Variants in ZSCAN25 observed in about 807,000 individuals in gnomAD.
ZSCAN25 encodes the protein zinc finger and SCAN domain-containing protein 25.
A neutral mutation model predicts 38.7 loss-of-function variants in ZSCAN25; 27 were observed. The observed-to-expected ratio is 0.70, with a 90% CI of 0.51 to 0.96. The LOEUF (loss-of-function observed/expected upper bound fraction) is 0.96. Ranked by LOEUF, ZSCAN25 falls within the 40% of genes least tolerant of loss-of-function variation. The pLI is 0.00. For synonymous variants in ZSCAN25, 273 were observed against 277.7 expected (o/e 0.98, Z 0.17); for missense variants, 637 against 705.9 (o/e 0.90, Z 1.11).
At chr7:99,617,541 G>C (rs920455295) in intron 1 of ZSCAN25, among the ~76,000 whole-genome samples, 1 of 151,582 alleles carries the variant, frequency 6.6e-6, no homozygotes, top group Admixed American at 6.6e-5. Context: ...CATTCATGCC[G>C]CTGCACTCCA....
At chr7:99,711,779 CAA>C in the ZSCAN25 span, among the ~76,000 whole-genome samples, 1 of 64,170 alleles carries the variant, frequency 1.6e-5, no homozygotes, top group Non-Finnish European at 6.7e-5. Context: ...CAAAACAAAA[CAA>C]AACAACAACA....
At chr7:99,663,635 C>T in the ZSCAN25 span, 2 of 1,009,110 alleles carry the variant, frequency 2.0e-6, no homozygotes, top group Non-Finnish European at 2.4e-6. Context: ...ATGAGGAAAG[C>T]ACAATACCAG....
chr7:99,694,117 TC>T, the ZSCAN25 span, among the ~76,000 whole-genome samples: 2 of 152,250 alleles, frequency 1.3e-5, no homozygotes, highest in Non-Finnish European at 2.9e-5. Context: ...TTTTGCTTTT[TC>T]ATGTATTGTC....
the ZSCAN25 span, among the ~76,000 whole-genome samples, chr7:99,711,975 G>T: frequency 6.6e-5 from 10 of 152,272 alleles, no homozygotes; most frequent in Non-Finnish European, 1.0e-4. Flanking sequence ...ATCTCAGGAT[G>T]TACAGCAACT....
At chr7:99,722,665 C>T in the ZSCAN25 span, among the ~76,000 whole-genome samples, 1 of 152,122 alleles carries the variant, frequency 6.6e-6, no homozygotes, top group African/African-American at 2.4e-5. Context: ...TCTCATAAAT[C>T]CTTGAATGAT....
the ZSCAN25 span, among the ~76,000 whole-genome samples, chr7:99,648,597 C>T: frequency 2.6e-5 from 4 of 151,706 alleles, no homozygotes; most frequent in Non-Finnish European, 4.4e-5. Context: ...CACCATCCAT[C>T]GTTTAACAAA....
chr7:99,686,432 C>A, the ZSCAN25 span, among the ~76,000 whole-genome samples: 6 of 152,306 alleles, frequency 3.9e-5, no homozygotes, highest in Admixed American at 3.3e-4. Flanking sequence ...TGAGATCAAA[C>A]TGCAAGGCGG....
At chr7:99,649,153 G>T in the ZSCAN25 span, among the ~76,000 whole-genome samples, 1 of 152,124 alleles carries the variant, frequency 6.6e-6, no homozygotes, top group African/African-American at 2.4e-5. Context: ...GCTTGCCAGG[G>T]AATATCTTCC....
chr7:99,676,536 G>A, the ZSCAN25 span: 1 of 1,364,620 alleles, frequency 7.3e-7, no homozygotes, highest in Non-Finnish European at 9.7e-7. Flanking sequence ...CCTTATGTCT[G>A]TTTAGTAAGT....
the ZSCAN25 span, chr7:99,650,217 C>T: frequency 6.2e-7 from 1 of 1,613,454 alleles, no homozygotes; most frequent in East Asian, 2.2e-5. Context: ...CTATGCTGTC[C>T]TTCTTCTTAC....
chr7:99,653,644 G>A, the ZSCAN25 span, among the ~76,000 whole-genome samples: 5 of 152,188 alleles, frequency 3.3e-5, no homozygotes, highest in East Asian at 9.6e-4. The surrounding 1 kb of genome is among the most constrained non-coding windows in gnomAD (Gnocchi z 4.2). Flanking sequence ...TTTCCTAGTT[G>A]TTGCTTCAGG....
At position 99,630,635 on chromosome 7, in the gene ZSCAN25, C is replaced by T. The variant is rs542478685; in HGVS notation, c.*615C>T. On this transcript the variant is annotated 3_prime_UTR_variant, in exon 8 of 8. Coordinates refer to ENST00000394152, the MANE Select transcript of ZSCAN25 (RefSeq NM_145115.3). ...CATGACCACTCCTGCCCTCCTGCCC[C>T]GTGCTGGATCTTCCCTCCCCAGCTG... is the stretch of plus-strand genomic sequence containing the variant. 2.7e-3 allele frequency: 2,685 copies of T among 985,684 alleles called. 4 individuals carry two copies. The highest frequency in any genetic ancestry group is 3.1e-3 in the Non-Finnish European group (2,549 of 830,132). The allele number at this position is 985,684 out of a possible 1,614,324, so 61.1% of individuals were successfully genotyped here. A position where few individuals can be genotyped will look rare whatever the true frequency, so the allele number is the denominator to read the frequency against.
the ZSCAN25 span, chr7:99,685,293 T>C: frequency 1.2e-6 from 2 of 1,605,216 alleles, no homozygotes; most frequent in Non-Finnish European, 1.7e-6. Context: ...TTAGAAACTG[T>C]AGCATCAAAG....
the ZSCAN25 span, chr7:99,715,267 G>GC: frequency 1.1e-5 from 2 of 180,302 alleles, no homozygotes; most frequent in Non-Finnish European, 2.4e-5. Context: ...GCAAACAAGT[G>GC]CCCAGAGGGA....
chr7:99,667,105 G>A, the ZSCAN25 span: 1 of 1,568,306 alleles, frequency 6.4e-7, no homozygotes, highest in Non-Finnish European at 8.8e-7. Flanking sequence ...CATTAGTTGT[G>A]GTGATCTTCA....
At chr7:99,651,762 T>G in the ZSCAN25 span, among the ~76,000 whole-genome samples, 1 of 152,368 alleles carries the variant, frequency 6.6e-6, no homozygotes, top group South Asian at 2.1e-4. Context: ...GAGTGCGAAC[T>G]GTGCCTAAGG....
chr7:99,715,847 T>C, the ZSCAN25 span: 2 of 1,613,776 alleles, frequency 1.2e-6, no homozygotes, highest in Admixed American at 1.7e-5. Context: ...GTTGAGAGAG[T>C]CGATGCTCAC....
At chr7:99,623,262 A>C (rs748313093) in intron 6 of ZSCAN25, among the ~76,000 whole-genome samples, 1 of 152,204 alleles carries the variant, frequency 6.6e-6, no homozygotes, top group Non-Finnish European at 1.5e-5. Flanking sequence ...TAACCTCAGC[A>C]GGAATGTGGC....
chr7:99,678,688 G>A, the ZSCAN25 span, among the ~76,000 whole-genome samples: 2 of 152,194 alleles, frequency 1.3e-5, no homozygotes, highest in Non-Finnish European at 2.9e-5. Context: ...AAAAATGAAT[G>A]AATTTAAACC....
Sources: allele counts gnomAD v4.1 joint callset (sites outside exome capture counted in the v4.1 genomes callset), GRCh38; gene constraint gnomAD v4.1.1; non-coding constraint Gnocchi (gnomAD v3.1); transcripts MANE v1.5; gene names NCBI Gene and HGNC (gene_info 2026-07-23, HGNC 2026-07-21).